The following RELN variants were observed in gnomAD, a reference collection of about 807,000 sequenced individuals.
RELN encodes the protein reelin.
In RELN, 108 loss-of-function variants were observed where a neutral mutation model predicts 427.6. The ratio of observed to expected loss-of-function variants is 0.25; its 90% CI spans 0.22 to 0.30. The LOEUF is 0.30. Ranked by LOEUF, RELN falls within the 10% of genes least tolerant of loss-of-function variation. RELN has a pLI of 1.00. For missense variants in RELN, 3,715 were observed against 4,302.8 expected (o/e 0.86, Z 3.82); for synonymous variants, 1,524 against 1,513.4 (o/e 1.01, Z -0.16).
chr7:103,811,554 A>G (rs1213406842), intron 3 of RELN, among the ~76,000 whole-genome samples: 1 of 152,228 alleles, frequency 6.6e-6, no homozygotes, highest in African/African-American at 2.4e-5. Context: ...CAAAGTAACC[A>G]CCAGTGCATA....
chr7:103,565,180 T>G, intron 34 of RELN, 98 bp downstream of exon 34: 1 of 1,458,336 alleles, frequency 6.9e-7, no homozygotes. Context: ...ATAATTATCA[T>G]GAAAGAATAA....
chr7:103,491,856 T>TCTCTCTCTCTCTCA lies in RELN; in HGVS notation c.9443+96_9443+97insTGAGAGAGAGAGAG, dbSNP rs57217576. ...CTCTCTCTCTCTCTCTCTCTCTCTC[T>TCTCTCTCTCTCTCA]CACACACACACACACACACACACAC... On this transcript the variant is annotated intron_variant, in intron 58 of 64. Transcript: ENST00000428762. The TCTCTCTCTCTCTCA allele has an allele frequency of 2.1e-5, 6 of 288,658 alleles. No individual in the cohort carries two copies. The East Asian group carries it at 3.5e-4, about 17-fold the overall frequency. 17.9% of individuals were successfully genotyped at this position (288,658 alleles called of 1,614,324 possible).
At chr7:103,864,249 A>G (rs1187574030) in intron 2 of RELN, among the ~76,000 whole-genome samples, 1 of 152,184 alleles carries the variant, frequency 6.6e-6, no homozygotes, top group Non-Finnish European at 1.5e-5. Context: ...ACCTACATGT[A>G]TGTGGTATCT....
intron 8 of RELN, among the ~76,000 whole-genome samples, chr7:103,715,221 G>A (rs1236210968): frequency 6.6e-6 from 1 of 151,964 alleles, no homozygotes; most frequent in East Asian, 1.9e-4. Flanking sequence ...TACTAAAAAT[G>A]GATATTAAGG....
chr7:103,546,464 G>A (rs1283928133), intron 41 of RELN, among the ~76,000 whole-genome samples: 1 of 152,176 alleles, frequency 6.6e-6, no homozygotes, highest in East Asian at 1.9e-4. Context: ...ATAAATATCT[G>A]TGTACAGGTA....
At chr7:103,813,018 C>T (rs1017167122) in intron 3 of RELN, among the ~76,000 whole-genome samples, 13 of 152,134 alleles carry the variant, frequency 8.5e-5, no homozygotes, top group Non-Finnish European at 5.9e-5. Context: ...TATTCTTCAT[C>T]GGTTTTTTGC....
At chr7:103,777,208 C>A (rs146245747) in intron 3 of RELN, among the ~76,000 whole-genome samples, 1 of 151,876 alleles carries the variant, frequency 6.6e-6, no homozygotes, top group Non-Finnish European at 1.5e-5. Context: ...ATCAAAGCTG[C>A]GTACAAGGAC....
chr7:103,562,050 T>C, intron 34 of RELN, 97 bp from the exon 35 acceptor site: 1 of 1,427,528 alleles, frequency 7.0e-7, no homozygotes, highest in Non-Finnish European at 9.6e-7. Context: ...CTCTTTAAAG[T>C]GCCTTCCTCC....
In RELN at chr7:103,983,863, C is replaced by CTCTGTG. The variant is rs1293300854; in HGVS notation, c.226+5267_226+5268insCACAGA. Among the ~76,000 whole-genome samples, 560 of 148,532 alleles carry CTCTGTG rather than the reference C, an allele frequency of 3.8e-3. 6 individuals are homozygous for CTCTGTG. Among genetic ancestry groups the CTCTGTG allele is most frequent in the African/African-American group, 0.013 (519 of 40,322 alleles). On this transcript the variant is annotated intron_variant, in intron 1 of 64. Coordinates refer to ENST00000428762, the MANE Select transcript of RELN (RefSeq NM_005045.4). ...ATGTGACACAAAGAACTTCATATTTCTGTGTGTGTGTGTGTGTGTGTGTGT... is the reference window on the plus strand; with the variant it reads ...ATGTGACACAAAGAACTTCATATTTCTCTGTGTGTGTGTGTGTGTGTGTGTGTGTGT...
rs1832561952 is a variant in RELN at position 103,635,564 on chromosome 7, G to C, written c.2326C>G (p.Leu776Val). The change falls in exon 19 of 65, where the codon CTG becomes GTG. Residue 776 changes from leucine to valine, a missense_variant. Leu to Val is a conservative substitution (Grantham distance 32, BLOSUM62 1). Around this residue, in one of 4 missense-constraint regions of RELN, gnomAD observed 2,208 missense variants for 2,361.7 expected, o/e 0.93. Coordinates refer to ENST00000428762, the MANE Select transcript of RELN (RefSeq NM_005045.4). ...GTGCTCAGAACAGATTTGCTCCCCA[G>C]TCTCAGTGTGAACTGGAGAAACCTA... ...QSRFLQFTLR[L>V]GSKSVLSTCR... 1 of 1,613,916 alleles carries C rather than the reference G, an allele frequency of 6.2e-7. No individual in the cohort carries two copies. The highest frequency in any genetic ancestry group is 2.2e-5 in the East Asian group (1 of 44,862).
At chr7:103,733,940 TAA>T (rs11291450) in intron 6 of RELN, among the ~76,000 whole-genome samples, 4 of 151,608 alleles carry the variant, frequency 2.6e-5, no homozygotes, top group South Asian at 2.1e-4. Flanking sequence ...TAAAGTATAA[TAA>T]AAAAAAATGT....
At chr7:103,556,424 TAC>T (rs1830521453) in intron 38 of RELN, among the ~76,000 whole-genome samples, 1 of 96,492 alleles carries the variant, frequency 1.0e-5, no homozygotes, top group African/African-American at 5.7e-5. Flanking sequence ...AGATTATATA[TAC>T]GTGTATATAT....
chr7:103,685,111 A>T (rs1489365492), intron 10 of RELN, among the ~76,000 whole-genome samples: 1 of 152,184 alleles, frequency 6.6e-6, no homozygotes, highest in African/African-American at 2.4e-5. Context: ...GGAAAACTTA[A>T]TGCAAGATGT....
rs1471394732 is a variant in RELN at position 103,824,012 on chromosome 7, C to A, written c.473+9525G>T. On this transcript the variant is annotated intron_variant, in intron 3 of 64. Transcript: ENST00000428762. The surrounding 1 kb of genome is among the most constrained non-coding windows in gnomAD (Gnocchi z 4.4). The stretch of plus-strand genomic sequence containing the variant: ...CTGGCATCTTTTGTTGCTGATGAGA[C>A]CACTGTCAGATTAAATTTATAGGTA... Among the ~76,000 whole-genome samples the A allele has an allele frequency of 6.6e-6, 1 of 152,012 alleles. No homozygotes were observed. The highest frequency in any genetic ancestry group is 2.4e-5 in the African/African-American group (1 of 41,412).
chr7:103,732,038 A>T (rs1790367837), intron 6 of RELN, among the ~76,000 whole-genome samples: 1 of 152,132 alleles, frequency 6.6e-6, no homozygotes, highest in African/African-American at 2.4e-5. Flanking sequence ...AGTGCCTACC[A>T]TGTTGGACAA....
chr7:103,549,499 G>A (rs1040779558), intron 41 of RELN, among the ~76,000 whole-genome samples: 1 of 152,204 alleles, frequency 6.6e-6, no homozygotes, highest in Non-Finnish European at 1.5e-5. Flanking sequence ...CCATAGCAGT[G>A]CCTAAGCTAT....
At position 103,561,726 on chromosome 7, in the gene RELN, G is replaced by GT; in HGVS notation, c.5352-18dup. The GT allele has an allele frequency of 1.2e-6, 2 of 1,613,842 alleles. No individual in the cohort carries two copies. Among genetic ancestry groups the GT allele is most frequent in the Non-Finnish European group, 1.7e-6 (2 of 1,179,882 alleles). On this transcript the variant is annotated splice_polypyrimidine_tract_variant and intron_variant, in intron 35 of 64. Transcript: ENST00000428762. ...CGGTCACACCTAAGAAAGAGAGGGA[G>GT]TGGAGAAAAGACATTTGTCACACGT...
In RELN at chr7:103,919,424, C is replaced by T. The variant is rs140853675; in HGVS notation, c.227-2239G>A. Among the ~76,000 whole-genome samples, 664 of 152,262 alleles carry T rather than the reference C, an allele frequency of 4.4e-3. 4 individuals are homozygous for T. The highest frequency in any genetic ancestry group is 0.015 in the African/African-American group (624 of 41,562). Reference sequence around the variant, plus strand: ...ACACCAAGGAACTTCGACTTTGAATCTATGTCAGGAACACCCTTCTCTCCA... The same window carrying T: ...ACACCAAGGAACTTCGACTTTGAATTTATGTCAGGAACACCCTTCTCTCCA... On this transcript the variant is annotated intron_variant, in intron 1 of 64. Transcript: ENST00000428762.
At chr7:103,583,640 C>T (rs534194170) in intron 28 of RELN, among the ~76,000 whole-genome samples, 2 of 152,166 alleles carry the variant, frequency 1.3e-5, no homozygotes, top group Non-Finnish European at 2.9e-5. Context: ...GATAACCATA[C>T]CTTGAATAGA....
Sources: allele counts gnomAD v4.1 joint callset (sites outside exome capture counted in the v4.1 genomes callset), GRCh38; gene constraint gnomAD v4.1.1; regional missense constraint gnomAD v4.1.1; non-coding constraint Gnocchi (gnomAD v3.1); transcripts MANE v1.5; gene names NCBI Gene and HGNC (gene_info 2026-07-23, HGNC 2026-07-21).